The following FRK variants were observed in gnomAD, a reference collection of about 807,000 sequenced individuals.
The protein encoded by FRK is fyn related Src family tyrosine kinase, also known as tyrosine-protein kinase FRK.
FRK carries 51 observed loss-of-function variants against 56.4 expected under a neutral mutation model. That is an observed-to-expected ratio of 0.90 (90% CI 0.72 to 1.14). The LOEUF (loss-of-function observed/expected upper bound fraction) is 1.14. Ranked by LOEUF, FRK falls within the 50% of genes most tolerant of loss-of-function variation. The pLI, the probability that FRK is intolerant of heterozygous loss-of-function variation, is 0.00. For missense variants in FRK, 570 were observed against 601.4 expected, an observed-to-expected ratio of 0.95 and a Z score of 0.55; for synonymous variants, 245 against 217.9, an observed-to-expected ratio of 1.12 and a Z score of -1.10.
At chr6:116,089,223 A>T in the FRK span, among the ~76,000 whole-genome samples, 1 of 152,194 alleles carries the variant, frequency 6.6e-6, no homozygotes, top group Non-Finnish European at 1.5e-5. Context: ...ATCTTTGTTT[A>T]TAGATTTTGC....
chr6:116,057,534 A>C (rs1309670164), intron 1 of FRK, among the ~76,000 whole-genome samples: 1 of 152,194 alleles, frequency 6.6e-6, no homozygotes, highest in Non-Finnish European at 1.5e-5. Context: ...CCAGGTTCAC[A>C]GGTGAAGACC....
intron 1 of FRK, among the ~76,000 whole-genome samples, chr6:116,055,208 A>T (rs762036550): frequency 3.9e-5 from 6 of 152,190 alleles, no homozygotes; most frequent in Admixed American, 6.5e-5. Context: ...ATCTTCAAAG[A>T]ACTCTAGTCT....
intron 1 of FRK, chr6:116,039,610 G>A (rs1203793043): frequency 5.2e-6 from 4 of 772,560 alleles, no homozygotes; most frequent in African/African-American, 1.7e-5. Context: ...CCCCTCTTGC[G>A]GCCTCATCCA....
chr6:115,960,441 A>T (rs957672648), intron 4 of FRK, among the ~76,000 whole-genome samples: 30 of 150,304 alleles, frequency 2.0e-4, no homozygotes, highest in African/African-American at 6.8e-4. Context: ...CTGAGATCAA[A>T]CTGCAAGGCG....
At chr6:116,022,986 T>G (rs1184777920) in intron 1 of FRK, among the ~76,000 whole-genome samples, 1 of 152,094 alleles carries the variant, frequency 6.6e-6, no homozygotes, top group Non-Finnish European at 1.5e-5. Context: ...AATTTTTAAA[T>G]GGGCAGAAGA....
At chr6:115,976,365 T>C (rs1330508256) in intron 2 of FRK, among the ~76,000 whole-genome samples, 1 of 152,080 alleles carries the variant, frequency 6.6e-6, no homozygotes, top group African/African-American at 2.4e-5. Flanking sequence ...TATTCCAAAA[T>C]TAGATTTTTA....
the FRK span, among the ~76,000 whole-genome samples, chr6:116,075,153 C>T: frequency 6.6e-6 from 1 of 152,122 alleles, no homozygotes; most frequent in African/African-American, 2.4e-5. Flanking sequence ...TTACATGTCA[C>T]CATCCACTCT....
At chr6:116,064,335 A>G (rs1777716597), upstream of FRK, among the ~76,000 whole-genome samples, 2 of 152,214 alleles carry the variant, frequency 1.3e-5, no homozygotes, top group South Asian at 2.1e-4. Flanking sequence ...TGGTTTTCCA[A>G]GGAGAACTGA....
chr6:116,008,335 C>T (rs1169912508), intron 1 of FRK, among the ~76,000 whole-genome samples: 3 of 152,060 alleles, frequency 2.0e-5, no homozygotes, highest in Admixed American at 1.3e-4. Flanking sequence ...CTTTACAAAG[C>T]AAATCACACT....
At chr6:115,958,872 T>C (rs908839767) in intron 4 of FRK, among the ~76,000 whole-genome samples, 2 of 150,966 alleles carry the variant, frequency 1.3e-5, no homozygotes, top group African/African-American at 4.9e-5. Context: ...ATATACAATA[T>C]ATATTTATGT....
At chr6:116,024,173 G>A (rs1255619671) in intron 1 of FRK, among the ~76,000 whole-genome samples, 5 of 151,846 alleles carry the variant, frequency 3.3e-5, no homozygotes, top group African/African-American at 9.7e-5. Context: ...TGGAAATGAC[G>A]TGAGTTACTT....
the FRK span, among the ~76,000 whole-genome samples, chr6:116,066,491 C>A: frequency 6.6e-6 from 1 of 151,994 alleles, no homozygotes; most frequent in African/African-American, 2.4e-5. Context: ...CTCTAGAGAA[C>A]CCTGACTAAT....
At chr6:115,955,980 G>A (rs916534585) in intron 5 of FRK, among the ~76,000 whole-genome samples, 8 of 152,106 alleles carry the variant, frequency 5.3e-5, no homozygotes, top group South Asian at 2.1e-4. Flanking sequence ...GCCTAGCAGT[G>A]GAAGTATTTT....
intron 1 of FRK, 152 bp downstream of exon 1, chr6:116,059,816 G>T: frequency 1.5e-6 from 1 of 670,178 alleles, no homozygotes; most frequent in Non-Finnish European, 2.6e-6. Flanking sequence ...TAGCGGGGGA[G>T]GTGTGTTTCA....
chr6:116,097,414 GA>G, the FRK span, among the ~76,000 whole-genome samples: 1 of 152,168 alleles, frequency 6.6e-6, no homozygotes, highest in East Asian at 1.9e-4. Flanking sequence ...GGAATATTTA[GA>G]AAAGCATATT....
At chr6:116,098,495 C>T in the FRK span, among the ~76,000 whole-genome samples, 1 of 152,108 alleles carries the variant, frequency 6.6e-6, no homozygotes, top group African/African-American at 2.4e-5. Context: ...TACAAGAATG[C>T]TAATCCTGTT....
At chr6:115,962,474 T>C (rs1186394301) in intron 4 of FRK, among the ~76,000 whole-genome samples, 1 of 106,348 alleles carries the variant, frequency 9.4e-6, no homozygotes, top group African/African-American at 3.8e-5. Context: ...ACTGTCAACA[T>C]TAGACAGATC....
rs974017669 is a variant in FRK, at chr6:115,956,678, G to A, written c.800-68C>T. 6.3e-6 allele frequency: 8 copies of A among 1,278,768 alleles called. No homozygotes were observed. The African/African-American group carries it at 1.1e-4, about 17-fold the overall frequency. 79.2% of individuals were successfully genotyped at this position (1,278,768 alleles called of 1,614,324 possible). ...ATTCCTATCCTCACAGCAGCCTGGT[G>A]GGAATCATCAAGATTGCCTCCTGCT... On this transcript the variant is annotated intron_variant, in intron 4 of 7. Coordinates refer to ENST00000606080, the MANE Select transcript of FRK (RefSeq NM_002031.3).
intron 2 of FRK, among the ~76,000 whole-genome samples, chr6:115,987,381 A>G (rs995921124): frequency 6.6e-6 from 1 of 152,088 alleles, no homozygotes; most frequent in Non-Finnish European, 1.5e-5. Flanking sequence ...ATAAACTGCA[A>G]TACTCTTAAT....
Sources: allele counts gnomAD v4.1 joint callset (sites outside exome capture counted in the v4.1 genomes callset), GRCh38; gene constraint gnomAD v4.1.1; transcripts MANE v1.5; gene names NCBI Gene and HGNC (gene_info 2026-07-23, HGNC 2026-07-21).